Variants in CPNE7 observed in about 807,000 individuals in gnomAD.
CPNE7 encodes the protein copine-7.
A neutral mutation model predicts 66.5 loss-of-function variants in CPNE7; 78 were observed. The observed-to-expected ratio is 1.17, with a 90% confidence interval of 0.98 to 1.42. The LOEUF (loss-of-function observed/expected upper bound fraction) is 1.42, where lower values mean the gene tolerates loss of function less well. CPNE7 is among the 40% of genes most tolerant of loss of function. The pLI, the probability that CPNE7 is intolerant of heterozygous loss-of-function variation, is 0.00. For synonymous variants in CPNE7, 468 were observed against 336.7 expected, an observed-to-expected ratio of 1.39 and a Z score of -4.27; for missense variants, 1,012 against 776.6, an observed-to-expected ratio of 1.30 and a Z score of -3.60.
chr16:89,584,212 G>T lies in CPNE7; in HGVS notation c.507+110G>T. 2 of 1,057,926 alleles carry T rather than the reference G, an allele frequency of 1.9e-6. No individual in the cohort carries two copies. Among genetic ancestry groups the T allele is most frequent in the South Asian group, 3.1e-5 (2 of 64,484 alleles). 65.5% of individuals were successfully genotyped at this position (1,057,926 alleles called of 1,614,324 possible). A position where few individuals can be genotyped will look rare whatever the true frequency, so the allele number is the denominator to read the frequency against. Reference sequence around the variant, plus strand: ...CGCGTGGCTATGTCCCGTGTGAGACGTGTGCGGAGTGTGCCTGGGGCTGGG... The same window carrying T: ...CGCGTGGCTATGTCCCGTGTGAGACTTGTGCGGAGTGTGCCTGGGGCTGGG... On this transcript the variant is annotated intron_variant, in intron 4 of 14. Transcript: ENST00000319518. This position sits in a 1 kb window ranked among gnomAD's most constrained non-coding sequence, Gnocchi z 6.0.
At chr16:89,590,465 C>T (rs1488388715) in intron 11 of CPNE7, among the ~76,000 whole-genome samples, 2 of 152,050 alleles carry the variant, frequency 1.3e-5, no homozygotes, top group Non-Finnish European at 2.9e-5. Flanking sequence ...GCAGAGGTTG[C>T]ACTGAGCTGA....
intron 11 of CPNE7, 144 bp from the exon 12 acceptor site, chr16:89,590,863 G>A: frequency 8.3e-6 from 6 of 720,784 alleles, no homozygotes; most frequent in East Asian, 6.3e-5. Flanking sequence ...TTTAGTAGGC[G>A]GGGGACATGA....
chr16:89,583,955 G>A (rs2058995543), intron 3 of CPNE7, 73 bp from the exon 4 acceptor site: 1 of 1,565,694 alleles, frequency 6.4e-7, no homozygotes, highest in Admixed American at 1.8e-5. Context: ...CAGCCAGCCT[G>A]GGGCCTCTGG....
At position 89,584,657 on chromosome 16, in the gene CPNE7, G is replaced by C. The variant is rs2059007647; in HGVS notation, c.508-117G>C. ...GCGGGGACTGGCTGCCTCGTTTTGT[G>C]CCTGAGGAATTAGCGGCTGGTGGCA... is the stretch of plus-strand genomic sequence containing the variant. On this transcript the variant is annotated intron_variant, in intron 4 of 14. Coordinates refer to ENST00000319518, the MANE Select transcript of CPNE7 (RefSeq NM_153636.3). The surrounding 1 kb of genome is among the most constrained non-coding windows in gnomAD (Gnocchi z 6.0). The C allele has an allele frequency of 2.7e-6, 2 of 749,262 alleles. No homozygotes were observed. Among genetic ancestry groups the C allele is most frequent in the South Asian group, 1.6e-5 (1 of 63,400 alleles). The allele number at this position is 749,262 out of a possible 1,614,324, so 46.4% of individuals were successfully genotyped here.
At chr16:89,592,968 A>G (rs981865522) in intron 13 of CPNE7, among the ~76,000 whole-genome samples, 16 of 149,870 alleles carry the variant, frequency 1.1e-4, no homozygotes, top group African/African-American at 3.5e-4. Flanking sequence ...GCCCGCCACC[A>G]TACCCGGCTA....
intron 2 of CPNE7, among the ~76,000 whole-genome samples, chr16:89,579,470 GACACGGAACATCCGATCACCCGTC>G (rs1318731371): frequency 6.1e-5 from 9 of 148,422 alleles, no homozygotes; most frequent in Non-Finnish European, 1.2e-4. Context: ...GTCACCTGCT[GACACGGAACATCCGATCACCCGTC>G]ACACGGAACA....
intron 2 of CPNE7, among the ~76,000 whole-genome samples, chr16:89,578,519 G>A (rs550614069): frequency 3.9e-5 from 6 of 152,218 alleles, no homozygotes; most frequent in African/African-American, 1.4e-4. Flanking sequence ...CAGCACTGTG[G>A]GAGGCCGAGG....
In CPNE7 at chr16:89,584,473, C is replaced by T. The variant is rs2059004651; in HGVS notation, c.508-301C>T. Among the ~76,000 whole-genome samples, 1 of 152,190 alleles carries T rather than the reference C, an allele frequency of 6.6e-6. No individual in the cohort carries two copies. The highest frequency in any genetic ancestry group is 6.5e-5 in the Admixed American group (1 of 15,284). On this transcript the variant is annotated intron_variant, in intron 4 of 14. Transcript: ENST00000319518. This position sits in a 1 kb window ranked among gnomAD's most constrained non-coding sequence, Gnocchi z 6.0. ...GTGGGCAGAACAGGGTCCAACCCCG[C>T]CATGTAGGGCGTCTCCCTGGAGGGG...
rs1196005831 is a variant in CPNE7, at chr16:89,585,715, G to A, written c.710G>A (p.Gly237Glu). 1.3e-6 allele frequency: 2 copies of A among 1,549,406 alleles called. No individual in the cohort carries two copies. Among genetic ancestry groups the A allele is most frequent in the Non-Finnish European group, 1.7e-6 (2 of 1,146,994 alleles). The change falls in exon 7 of 15, where the codon GGA becomes GAA. Residue 237 changes from glycine (G) to glutamate (E), a missense_variant. Gly to Glu is a moderately conservative substitution (Grantham distance 98, BLOSUM62 -2). Coordinates refer to ENST00000319518, the MANE Select transcript of CPNE7 (RefSeq NM_153636.3). ...KCLVWDYDSRGKHDFIGEFST... is the reference protein window; with the variant it reads ...KCLVWDYDSREKHDFIGEFST... The stretch of plus-strand genomic sequence containing the variant: ...CTGGTCTGGGATTACGACTCTCGAG[G>A]AAAGCACGACTTCATCGGAGAATTC...
chr16:89,585,431 G>C (rs1453672806), intron 5 of CPNE7, 33 bp from the exon 6 acceptor site: 1 of 1,526,194 alleles, frequency 6.6e-7, no homozygotes, highest in East Asian at 2.3e-5. Flanking sequence ...AGGGCCCTGG[G>C]CCTCCCCTGA....
chr16:89,582,348 C>T (rs374304785), intron 2 of CPNE7, among the ~76,000 whole-genome samples: 8 of 152,240 alleles, frequency 5.3e-5, no homozygotes, highest in Non-Finnish European at 8.8e-5. Context: ...CACAAATCAG[C>T]GATCTCGTAT....
intron 2 of CPNE7, among the ~76,000 whole-genome samples, chr16:89,579,224 A>G (rs2058908302): frequency 6.6e-6 from 1 of 152,040 alleles, no homozygotes; most frequent in East Asian, 1.9e-4. Context: ...CCTGGGAGGC[A>G]GAGGTTTCAG....
intron 1 of CPNE7, 48 bp downstream of exon 1, chr16:89,576,119 C>G (rs2058855494): frequency 3.2e-6 from 4 of 1,232,458 alleles, no homozygotes; most frequent in Non-Finnish European, 4.1e-6. Flanking sequence ...CCGGGGCTGG[C>G]GCCGAGCTGG....
chr16:89,576,614 T>C (rs1298289414), intron 1 of CPNE7, among the ~76,000 whole-genome samples: 1 of 152,170 alleles, frequency 6.6e-6, no homozygotes. Flanking sequence ...GACGGGCGCT[T>C]CCTCGGTCAC....
intron 2 of CPNE7, chr16:89,583,493 T>C (rs1246950935): frequency 1.9e-6 from 3 of 1,555,392 alleles, no homozygotes; most frequent in Non-Finnish European, 2.6e-6. Flanking sequence ...CGTGAGGTGG[T>C]GGACGTGCAG....
At position 89,595,582 on chromosome 16, in the gene CPNE7, G is replaced by T. The variant is rs1451984764; in HGVS notation, c.1518G>T (p.Val506=). The T allele has an allele frequency of 1.9e-6, 3 of 1,605,450 alleles. No individual in the cohort carries two copies. The highest frequency in any genetic ancestry group is 2.2e-5 in the East Asian group (1 of 44,690). Residue 506 remains valine (V), a synonymous_variant, in exon 14 of 15, where the codon GTG becomes GTT. Coordinates refer to ENST00000319518, the MANE Select transcript of CPNE7 (RefSeq NM_153636.3). ...CGCTCCGGGACATCGTACAGTTCGT[G>T]CCCTTCCGGGAGCTCAAGAACGTGA... ...EPALRDIVQF[V]PFRELKNASP...
intron 11 of CPNE7, 80 bp from the exon 12 acceptor site, chr16:89,590,927 G>C: frequency 2.0e-6 from 3 of 1,493,076 alleles, no homozygotes; most frequent in African/African-American, 1.4e-5. Context: ...GGGGACGGGG[G>C]GAGCAGCTGA....
intron 9 of CPNE7, chr16:89,587,594 AGTG>A (rs2059075556): frequency 2.8e-5 from 4 of 142,670 alleles, no homozygotes; most frequent in Admixed American, 6.1e-5. Context: ...TGAGCGTTTG[AGTG>A]AACCAGCCAC....
At chr16:89,593,755 T>C (rs1021905525) in intron 13 of CPNE7, among the ~76,000 whole-genome samples, 2 of 152,254 alleles carry the variant, frequency 1.3e-5, no homozygotes, top group Non-Finnish European at 2.9e-5. Context: ...GATACAATCC[T>C]TTTATCTAAT....
Sources: allele counts gnomAD v4.1 joint callset (sites outside exome capture counted in the v4.1 genomes callset), GRCh38; gene constraint gnomAD v4.1.1; non-coding constraint Gnocchi (gnomAD v3.1); transcripts MANE v1.5; gene names NCBI Gene and HGNC (gene_info 2026-07-23, HGNC 2026-07-21).